The following JAZF1 variants were observed in gnomAD, a reference collection of about 807,000 sequenced individuals.
The protein encoded by JAZF1 is juxtaposed with another zinc finger protein 1.
A neutral mutation model predicts 26.4 loss-of-function variants in JAZF1; 8 were observed. That is an observed-to-expected ratio of 0.30 (90% CI 0.18 to 0.55). The LOEUF (loss-of-function observed/expected upper bound fraction) is 0.55. Among genes scored for constraint, JAZF1 ranks in the 20% least tolerant of loss-of-function variants. The pLI is 0.94. For missense variants in JAZF1, 199 were observed against 322.0 expected (o/e 0.62, Z 2.92); for synonymous variants, 126 against 122.3 (o/e 1.03, Z -0.20).
intron 1 of JAZF1, among the ~76,000 whole-genome samples, chr7:28,044,819 C>T (rs761683026): frequency 6.6e-5 from 10 of 152,026 alleles, no homozygotes; most frequent in Non-Finnish European, 1.3e-4. Context: ...TGCTGGGATG[C>T]GGGGAGGATA....
intron 3 of JAZF1, among the ~76,000 whole-genome samples, chr7:27,877,723 G>A (rs769389580): frequency 7.2e-5 from 11 of 152,198 alleles, no homozygotes; most frequent in Admixed American, 2.0e-4. Flanking sequence ...GACCAGCCCT[G>A]CGCAGTGGCT....
At chr7:27,948,025 C>T (rs1356961549) in intron 2 of JAZF1, among the ~76,000 whole-genome samples, 1 of 152,094 alleles carries the variant, frequency 6.6e-6, no homozygotes. Flanking sequence ...AAAAACAAGA[C>T]GTGGGGGCAA....
intron 2 of JAZF1, among the ~76,000 whole-genome samples, chr7:27,971,570 C>G (rs572417103): frequency 6.6e-6 from 1 of 152,266 alleles, no homozygotes; most frequent in East Asian, 1.9e-4. Context: ...AATCAACAGT[C>G]TCAGCAATAT....
intron 1 of JAZF1, among the ~76,000 whole-genome samples, chr7:28,031,654 C>G: frequency 6.6e-6 from 1 of 152,044 alleles, no homozygotes; most frequent in East Asian, 1.9e-4. Context: ...AAACCAAACA[C>G]CAAATGTTCT....
chr7:28,109,433 T>A (rs1004998634), intron 1 of JAZF1, among the ~76,000 whole-genome samples: 2 of 152,188 alleles, frequency 1.3e-5, no homozygotes, highest in African/African-American at 4.8e-5. Context: ...TCTTCCTTAT[T>A]CAGGTAACTG....
intron 1 of JAZF1, among the ~76,000 whole-genome samples, chr7:28,128,489 T>G (rs916920096): frequency 1.3e-5 from 2 of 152,076 alleles, no homozygotes; most frequent in Admixed American, 1.3e-4. Context: ...GCCACTGCAC[T>G]CCAGCCTGGG....
Position 27,896,367 on chromosome 7 carries a change from G to A in JAZF1, c.189-951C>T, listed in dbSNP as rs547228713. Among the ~76,000 whole-genome samples, 14 of 152,082 alleles carry A rather than the reference G, an allele frequency of 9.2e-5. No individual in the cohort carries two copies. The East Asian group carries it at 2.7e-3, about 29-fold the overall frequency. On this transcript the variant is annotated intron_variant, in intron 2 of 4. Coordinates refer to ENST00000283928, the MANE Select transcript of JAZF1 (RefSeq NM_175061.4). ...CTTTTCATATTGGCAGGCAAACTTT[G>A]TCAGCTGCATTTTTGAAAATTGCCA...
intron 2 of JAZF1, among the ~76,000 whole-genome samples, chr7:27,913,236 CATAG>C (rs896662454): frequency 1.3e-4 from 20 of 148,302 alleles, no homozygotes; most frequent in Non-Finnish European, 2.1e-4. Flanking sequence ...TATGTATATA[CATAG>C]ATATTTATGT....
At chr7:28,115,199 C>G (rs960037146) in intron 1 of JAZF1, among the ~76,000 whole-genome samples, 2 of 152,102 alleles carry the variant, frequency 1.3e-5, no homozygotes, top group Non-Finnish European at 2.9e-5. Context: ...CAGGGCCAAG[C>G]CACATATGTA....
intron 1 of JAZF1, among the ~76,000 whole-genome samples, chr7:28,004,616 T>C (rs1191513109): frequency 6.6e-6 from 1 of 152,168 alleles, no homozygotes; most frequent in Admixed American, 6.5e-5. Flanking sequence ...CTGGAAGTGA[T>C]TTAAAAGTTG....
intron 1 of JAZF1, among the ~76,000 whole-genome samples, chr7:28,117,172 G>A (rs60029590): frequency 0.013 from 1,947 of 152,140 alleles, 32 homozygotes; most frequent in African/African-American, 0.044. Flanking sequence ...TTCTCTGATT[G>A]TCATTTGAAT....
chr7:28,105,211 ACT>A (rs1784532471), intron 1 of JAZF1, among the ~76,000 whole-genome samples: 1 of 152,120 alleles, frequency 6.6e-6, no homozygotes. Context: ...CAAGTAGAAA[ACT>A]CTACCTGAAG....
At chr7:28,075,060 G>A (rs544640170) in intron 1 of JAZF1, among the ~76,000 whole-genome samples, 23 of 152,262 alleles carry the variant, frequency 1.5e-4, no homozygotes, top group Middle Eastern at 3.4e-3. Flanking sequence ...AAAGGGAAGA[G>A]GTTATGGGCA....
intron 4 of JAZF1, chr7:27,833,240 T>C: frequency 4.6e-6 from 1 of 219,084 alleles, no homozygotes. Context: ...CTTCCAATTT[T>C]ATATAAAATA....
intron 2 of JAZF1, among the ~76,000 whole-genome samples, chr7:27,963,918 G>A (rs1197654095): frequency 1.3e-5 from 2 of 152,130 alleles, no homozygotes; most frequent in Non-Finnish European, 2.9e-5. Context: ...AGGGCTGGAT[G>A]TAAGCAGCAC....
At chr7:27,969,308 G>A (rs1785333497) in intron 2 of JAZF1, among the ~76,000 whole-genome samples, 1 of 152,114 alleles carries the variant, frequency 6.6e-6, no homozygotes, top group Admixed American at 6.5e-5. Flanking sequence ...TCTCATTAGG[G>A]GAGAGAGGAC....
chr7:28,110,515 A>AAAGGAAAGGAAAGGGAAAGG (rs1562590947), intron 1 of JAZF1, among the ~76,000 whole-genome samples: 2 of 58,966 alleles, frequency 3.4e-5, no homozygotes, highest in African/African-American at 1.8e-4. Flanking sequence ...AAAGGAAAGG[A>AAAGGAAAGGAAAGGGAAAGG]AAAGGAAAAG....
chr7:28,158,303 G>A (rs1783225143), intron 1 of JAZF1, among the ~76,000 whole-genome samples: 1 of 152,068 alleles, frequency 6.6e-6, no homozygotes, highest in Non-Finnish European at 1.5e-5. Context: ...AGGCAAGGAG[G>A]GGTAGCCAAC....
intron 1 of JAZF1, among the ~76,000 whole-genome samples, chr7:28,089,182 G>A (rs750151675): frequency 2.6e-5 from 4 of 152,186 alleles, no homozygotes; most frequent in Non-Finnish European, 5.9e-5. Context: ...GATGGTCTGT[G>A]GCGATGAGGC....
Sources: gnomAD v4.1 joint callset for allele counts (sites outside exome capture counted in the v4.1 genomes callset) on GRCh38, gnomAD v4.1.1 for gene constraint, MANE v1.5 for transcripts, NCBI Gene and HGNC (gene_info 2026-07-23, HGNC 2026-07-21) for gene names.